The following DMD variants were observed in gnomAD, a reference collection of about 807,000 sequenced individuals.
The protein encoded by DMD is dystrophin.
In DMD, 63 loss-of-function variants were observed where a neutral mutation model predicts 330.1. The observed-to-expected ratio is 0.19, with a 90% CI of 0.16 to 0.24. DMD has a LOEUF of 0.24. Ranked by LOEUF, DMD falls within the 10% of genes least tolerant of loss-of-function variation. The pLI is 1.00. For synonymous variants in DMD, 1,223 were observed against 959.8 expected, an observed-to-expected ratio of 1.27 and a Z score of -5.07; for missense variants, 3,344 against 2,684.1, an observed-to-expected ratio of 1.25 and a Z score of -5.43.
intron 18 of DMD, among the ~76,000 whole-genome samples, chrX:32,505,215 CAAAAGAACG>C (rs753683767): frequency 1.3e-4 from 14 of 110,836 alleles, no homozygotes; most frequent in Admixed American, 9.6e-5. Flanking sequence ...AAGATGCTGC[CAAAAGAACG>C]AAAAGAAAAG....
At chrX:31,632,763 AT>A (rs2079200751) in intron 54 of DMD, among the ~76,000 whole-genome samples, 1 of 112,230 alleles carries the variant, frequency 8.9e-6, no homozygotes, top group Non-Finnish European at 1.9e-5. Flanking sequence ...TCCTGTAACC[AT>A]AACAGTTCCT....
At chrX:32,946,517 T>C (rs912818292) in intron 2 of DMD, among the ~76,000 whole-genome samples, 3 of 112,251 alleles carry the variant, frequency 2.7e-5, no homozygotes, top group Non-Finnish European at 3.8e-5. Context: ...GTCCGATTCC[T>C]GTATTATCTA....
chrX:32,492,530 C>G (rs1350239234), intron 19 of DMD, among the ~76,000 whole-genome samples: 1 of 112,077 alleles, frequency 8.9e-6, no homozygotes, highest in Non-Finnish European at 1.9e-5. Context: ...CATTACCATT[C>G]TGGAGTACCT....
At chrX:32,205,145 T>C (rs1209790357) in intron 44 of DMD, among the ~76,000 whole-genome samples, 2 of 99,485 alleles carry the variant, frequency 2.0e-5, no homozygotes, top group African/African-American at 3.7e-5. Flanking sequence ...CAAAGGCCGG[T>C]GTTGATCCAC....
chrX:32,457,590 A>G (rs2098365663), intron 25 of DMD, among the ~76,000 whole-genome samples: 1 of 110,806 alleles, frequency 9.0e-6, no homozygotes, highest in Admixed American at 9.6e-5. Context: ...AAAAGCACAG[A>G]AAGTTCATCT....
At chrX:32,711,666 G>A (rs2065204637) in intron 7 of DMD, among the ~76,000 whole-genome samples, 1 of 112,052 alleles carries the variant, frequency 8.9e-6, no homozygotes, top group African/African-American at 3.2e-5. Flanking sequence ...CGCATTTAAA[G>A]TTAATAGTGA....
chrX:31,747,850 T>A (rs1603458861), intron 51 of DMD, among the ~76,000 whole-genome samples: 1 of 112,234 alleles, frequency 8.9e-6, no homozygotes, highest in Non-Finnish European at 1.9e-5. Context: ...AGGTTTCTCA[T>A]TATGAACAAT....
chrX:31,297,107 A>C (rs1043658000), intron 62 of DMD, among the ~76,000 whole-genome samples: 1 of 111,395 alleles, frequency 9.0e-6, no homozygotes, highest in African/African-American at 3.3e-5. Context: ...AGGGAAATTG[A>C]TTGACAGGAA....
intron 2 of DMD, among the ~76,000 whole-genome samples, chrX:32,852,797 A>T (rs2081244000): frequency 9.0e-6 from 1 of 110,912 alleles, no homozygotes; most frequent in Non-Finnish European, 1.9e-5. Flanking sequence ...ATGGGGAAAA[A>T]TTCCTCTGCT....
intron 55 of DMD, among the ~76,000 whole-genome samples, chrX:31,569,623 C>G (rs28445453): frequency 1.2e-5 from 1 of 86,579 alleles, no homozygotes; most frequent in East Asian, 3.7e-4. Context: ...CGTATATATA[C>G]GTATATACGT....
intron 76 of DMD, among the ~76,000 whole-genome samples, chrX:31,143,849 A>G (rs1431170730): frequency 8.9e-6 from 1 of 112,168 alleles, no homozygotes; most frequent in Non-Finnish European, 1.9e-5. Context: ...CTTACTTAAA[A>G]AAGGGGGAAA....
intron 30 of DMD, among the ~76,000 whole-genome samples, chrX:32,409,711 T>G (rs2098134033): frequency 8.9e-6 from 1 of 112,151 alleles, no homozygotes; most frequent in African/African-American, 3.2e-5. Flanking sequence ...GTATTCATAC[T>G]GCTCAAATTT....
At chrX:31,966,604 C>G (rs2095353610) in intron 45 of DMD, among the ~76,000 whole-genome samples, 1 of 110,170 alleles carries the variant, frequency 9.1e-6, no homozygotes, top group Non-Finnish European at 1.9e-5. Flanking sequence ...AATTTTTTTC[C>G]TAATTACAGC....
chrX:32,847,831 C>T (rs981913648), intron 3 of DMD, among the ~76,000 whole-genome samples: 2 of 111,762 alleles, frequency 1.8e-5, no homozygotes, highest in African/African-American at 3.3e-5. Flanking sequence ...TTTGTCTTAG[C>T]GTCTATGTAT....
At position 31,204,634 on chromosome X, in the gene DMD, G is replaced by T. The variant is rs774626841; in HGVS notation, c.9650-516C>A. On this transcript the variant is annotated intron_variant, in intron 66 of 78. Transcript: ENST00000357033. Reference sequence around the variant, plus strand: ...TGCATAGTTTGTTGTTGTTGTTGTTGTTTTTTGAGACGGAGTCTTGCTCTG... The same window carrying T: ...TGCATAGTTTGTTGTTGTTGTTGTTTTTTTTTGAGACGGAGTCTTGCTCTG... Among the ~76,000 whole-genome samples, 5 of 111,459 alleles carry T rather than the reference G, an allele frequency of 4.5e-5. No homozygotes were observed. The Admixed American group carries it at 4.7e-4, about 11-fold the overall frequency.
intron 17 of DMD, among the ~76,000 whole-genome samples, chrX:32,528,916 T>C (rs1331522624): frequency 7.8e-5 from 8 of 102,353 alleles, no homozygotes; most frequent in Non-Finnish European, 2.0e-5. Context: ...TTTTTTTTTT[T>C]TTTTTTTTTA....
intron 44 of DMD, among the ~76,000 whole-genome samples, chrX:32,119,041 T>C (rs1406570935): frequency 1.8e-5 from 2 of 111,434 alleles, no homozygotes; most frequent in Non-Finnish European, 3.8e-5. Context: ...TGACCTGTAC[T>C]GGTCTGTGGC....
intron 50 of DMD, among the ~76,000 whole-genome samples, chrX:31,803,313 G>A (rs1056350499): frequency 7.1e-5 from 8 of 112,482 alleles, no homozygotes; most frequent in African/African-American, 1.9e-4. Flanking sequence ...TGCAGTGCAG[G>A]AAAATGGCGT....
intron 1 of DMD, among the ~76,000 whole-genome samples, chrX:33,112,359 C>G (rs762597354): frequency 5.4e-5 from 6 of 111,249 alleles, no homozygotes; most frequent in Non-Finnish European, 1.1e-4. Context: ...ACACGTATCC[C>G]TACAGATAAG....
Sources: gnomAD v4.1 joint callset for allele counts (sites outside exome capture counted in the v4.1 genomes callset) on GRCh38, gnomAD v4.1.1 for gene constraint, MANE v1.5 for transcripts, NCBI Gene and HGNC (gene_info 2026-07-23, HGNC 2026-07-21) for gene names.